EXOC5: variants seen among roughly 807,000 people sequenced by gnomAD.
EXOC5 encodes SEC10-like 1.
A neutral mutation model predicts 90.8 loss-of-function variants in EXOC5; 17 were observed. The observed-to-expected ratio is 0.19, with a 90% CI of 0.13 to 0.28. The LOEUF (loss-of-function observed/expected upper bound fraction) is 0.28. Ranked by LOEUF, EXOC5 falls within the 10% of genes least tolerant of loss-of-function variation. The pLI is 1.00. For missense variants in EXOC5, 569 were observed against 830.6 expected, an observed-to-expected ratio of 0.69 and a Z score of 3.87; for synonymous variants, 260 against 270.0, an observed-to-expected ratio of 0.96 and a Z score of 0.36.
chr14:57,207,125 G>C lies in EXOC5; in HGVS notation c.*1484C>G, dbSNP rs1882681164. ...TATACTTCATTCCCCAGCTTACCTT[G>C]GTAACACTGGACTAAACAGAAAATG... On this transcript the variant is annotated 3_prime_UTR_variant, in exon 18 of 18. Transcript: ENST00000621441. 6.6e-6 allele frequency: 1 copy of C among 152,354 alleles called. No individual in the cohort carries two copies. Among genetic ancestry groups the C allele is most frequent in the African/African-American group, 2.4e-5 (1 of 41,384 alleles). The allele number at this position is 152,354 out of a possible 1,614,324, so 9.4% of individuals were successfully genotyped here. A position where few individuals can be genotyped will look rare whatever the true frequency, so the allele number is the denominator to read the frequency against.
At chr14:57,221,488 G>A (rs1195156576) in intron 13 of EXOC5, among the ~76,000 whole-genome samples, 1 of 152,202 alleles carries the variant, frequency 6.6e-6, no homozygotes, top group Non-Finnish European at 1.5e-5. Context: ...GTTACAAGTA[G>A]ACAGAGATAA....
rs188046791 is a variant in EXOC5 at position 57,241,104 on chromosome 14, T to C, written c.466-1445A>G. Among the ~76,000 whole-genome samples the C allele has an allele frequency of 1.8e-3, 274 of 152,312 alleles. 6 individuals carry two copies. The East Asian group carries it at 0.043, about 24-fold the overall frequency. On this transcript the variant is annotated intron_variant, in intron 4 of 17. Transcript: ENST00000621441. ...CCTGGCCTCAAGTGATCTGCCCATCTTGGCTTTCCAAAGTGCTGGGATTAC... is the reference window on the plus strand; with the variant it reads ...CCTGGCCTCAAGTGATCTGCCCATCCTGGCTTTCCAAAGTGCTGGGATTAC...
chr14:57,258,993 G>A (rs1367134736), intron 1 of EXOC5, among the ~76,000 whole-genome samples: 1 of 152,080 alleles, frequency 6.6e-6, no homozygotes, highest in Admixed American at 6.6e-5. Context: ...TGCCTATCAT[G>A]TATTTTCCTT....
intron 15 of EXOC5, among the ~76,000 whole-genome samples, chr14:57,213,141 TG>T (rs1215362500): frequency 4.6e-5 from 7 of 151,978 alleles, no homozygotes; most frequent in African/African-American, 1.7e-4. Flanking sequence ...CCCAGCACTT[TG>T]TGAGGCTGAA....
chr14:57,232,263 C>G (rs1288038586), intron 10 of EXOC5: 3 of 154,714 alleles, frequency 1.9e-5, no homozygotes, highest in African/African-American at 7.2e-5. Context: ...AAAAAAAACC[C>G]CACAAGACTC....
chr14:57,222,283 A>C (rs1883167517), intron 13 of EXOC5, 25 bp downstream of exon 13: 1 of 1,122,518 alleles, frequency 8.9e-7, no homozygotes, highest in Non-Finnish European at 1.3e-6. Flanking sequence ...AGAATTTAAC[A>C]CAAGTGTAAC....
chr14:57,224,089 A>C (rs531392111), intron 12 of EXOC5, among the ~76,000 whole-genome samples: 1 of 152,266 alleles, frequency 6.6e-6, no homozygotes, highest in Admixed American at 6.5e-5. Context: ...GTAAGACAAA[A>C]CACCCGCATT....
At chr14:57,257,639 T>A (rs189820661) in intron 1 of EXOC5, among the ~76,000 whole-genome samples, 4 of 152,008 alleles carry the variant, frequency 2.6e-5, no homozygotes, top group Admixed American at 2.0e-4. Flanking sequence ...AAGTCAGCAA[T>A]TGATCCCCAA....
At chr14:57,220,209 C>A (rs577212686) in intron 13 of EXOC5, among the ~76,000 whole-genome samples, 74 of 151,618 alleles carry the variant, frequency 4.9e-4, no homozygotes, top group African/African-American at 1.5e-3. Flanking sequence ...CCTCCGCCCC[C>A]CCTGCCCCCG....
At position 57,214,370 on chromosome 14, in the gene EXOC5, C is replaced by T. The variant is rs115754228; in HGVS notation, c.1613+3612G>A. 7.6e-3 allele frequency among the ~76,000 whole-genome samples: 1,156 copies of T among 152,230 alleles called. 18 individuals carry two copies. Among genetic ancestry groups the T allele is most frequent in the African/African-American group, 0.026 (1,095 of 41,528 alleles). ...ATGAGGTCAGGTGTAAAATTTTCCACTTGTAGGGTAATGTCAGCACTCAAA... is the reference window on the plus strand; with the variant it reads ...ATGAGGTCAGGTGTAAAATTTTCCATTTGTAGGGTAATGTCAGCACTCAAA... On this transcript the variant is annotated intron_variant, in intron 15 of 17. Coordinates refer to ENST00000621441, the MANE Select transcript of EXOC5 (RefSeq NM_006544.4).
intron 1 of EXOC5, among the ~76,000 whole-genome samples, chr14:57,250,314 A>C (rs536157897): frequency 6.6e-6 from 1 of 152,240 alleles, no homozygotes; most frequent in African/African-American, 2.4e-5. Flanking sequence ...GTTTATACCA[A>C]AGTCTTATAG....
chr14:57,237,794 G>A (rs1339467865), intron 5 of EXOC5: 2 of 152,590 alleles, frequency 1.3e-5, no homozygotes, highest in African/African-American at 4.8e-5. Flanking sequence ...CCCATGGTTG[G>A]TATTTTTAAA....
chr14:57,233,704 G>T, intron 9 of EXOC5, 39 bp downstream of exon 9: 1 of 1,249,372 alleles, frequency 8.0e-7, no homozygotes, highest in Non-Finnish European at 1.1e-6. Context: ...ATTACATATT[G>T]CTTTAAGAAC....
At chr14:57,213,960 T>G (rs1401332388) in intron 15 of EXOC5, among the ~76,000 whole-genome samples, 5 of 151,832 alleles carry the variant, frequency 3.3e-5, no homozygotes, top group African/African-American at 1.2e-4. Flanking sequence ...ACAGTGAGAC[T>G]CCACCTCAAA....
chr14:57,209,729 A>G lies in EXOC5; in HGVS notation c.1776T>C (p.Asn592=), dbSNP rs1320243979. 1 of 1,613,032 alleles carries G rather than the reference A, an allele frequency of 6.2e-7. No individual in the cohort carries two copies. ...TATCCACATTCTTCCCATCCATGGAATTTTTAATCTTCTCCACTTGTTTTC... is the reference window on the plus strand; with the variant it reads ...TATCCACATTCTTCCCATCCATGGAGTTTTTAATCTTCTCCACTTGTTTTC... ...YVRKQVEKIK[N]SMDGKNVDTV... is the part of the protein sequence containing the mutation. Residue 592 remains asparagine (N), a synonymous_variant, in exon 17 of 18, where the codon AAT becomes AAC. Coordinates refer to ENST00000621441, the MANE Select transcript of EXOC5 (RefSeq NM_006544.4).
intron 15 of EXOC5, among the ~76,000 whole-genome samples, chr14:57,215,239 A>AG (rs1477547913): frequency 6.6e-6 from 1 of 152,174 alleles, no homozygotes; most frequent in African/African-American, 2.4e-5. Flanking sequence ...CTCAAAAAAA[A>AG]AAAAGAAGAA....
intron 1 of EXOC5, among the ~76,000 whole-genome samples, chr14:57,268,007 T>C (rs938035834): frequency 3.3e-5 from 5 of 152,152 alleles, no homozygotes; most frequent in African/African-American, 1.2e-4. Context: ...CACTTGAATT[T>C]TGCCTCCCTT....
At position 57,229,809 on chromosome 14, in the gene EXOC5, C is replaced by T. The variant is rs778677676; in HGVS notation, c.1221G>A (p.Gly407=). ...LPLGPSIDTH[G]ETFLSQEVVV... ...CCACTTCTTGGGATAGAAAAGTCTCCCCATGAGTATCGATACTTGGCCCAA... is the reference window on the plus strand; with the variant it reads ...CCACTTCTTGGGATAGAAAAGTCTCTCCATGAGTATCGATACTTGGCCCAA... Residue 407 remains glycine, a synonymous_variant, in exon 12 of 18, where the codon GGG becomes GGA. Transcript: ENST00000621441. 2 of 1,529,366 alleles carry T rather than the reference C, an allele frequency of 1.3e-6. 1 individual carries two copies. Among genetic ancestry groups the T allele is most frequent in the South Asian group, 2.5e-5 (2 of 79,912 alleles). 94.7% of individuals were successfully genotyped at this position (1,529,366 alleles called of 1,614,324 possible). A position where few individuals can be genotyped will look rare whatever the true frequency, so the allele number is the denominator to read the frequency against.
intron 12 of EXOC5, among the ~76,000 whole-genome samples, chr14:57,222,871 A>C (rs1883195061): frequency 6.6e-6 from 1 of 151,978 alleles, no homozygotes; most frequent in Non-Finnish European, 1.5e-5. Context: ...AAGAGGTTTG[A>C]GAGCCACTGA....
Sources: gnomAD v4.1 joint callset for allele counts (sites outside exome capture counted in the v4.1 genomes callset) on GRCh38, gnomAD v4.1.1 for gene constraint, MANE v1.5 for transcripts, NCBI Gene and HGNC (gene_info 2026-07-23, HGNC 2026-07-21) for gene names.